The following NSUN6 variants were observed in gnomAD, a reference collection of about 807,000 sequenced individuals.
NSUN6 encodes tRNA (cytosine(72)-C(5))-methyltransferase NSUN6.
A neutral mutation model predicts 58.0 loss-of-function variants in NSUN6; 64 were observed. The observed-to-expected ratio is 1.10, with a 90% CI of 0.90 to 1.36. NSUN6 has a LOEUF of 1.36. Ranked by LOEUF, NSUN6 falls within the 40% of genes most tolerant of loss-of-function variation. The probability of loss-of-function intolerance (pLI) is 0.00; values close to 1 mark genes in which losing one functional copy is unlikely to be tolerated. For synonymous variants in NSUN6, 231 were observed against 193.9 expected (o/e 1.19, Z -1.59); for missense variants, 701 against 550.1 (o/e 1.27, Z -2.74).
At position 18,551,868 on chromosome 10, in the gene NSUN6, C is replaced by T. The variant is rs780047078; in HGVS notation, c.1026G>A (p.Lys342=). Residue 342 remains lysine (K), a synonymous_variant, in exon 9 of 11, where the codon AAG becomes AAA. Transcript: ENST00000377304. The part of the protein sequence containing the change: ...RPNMACTWSV[K]EVASYQPLQR... ...GTAATGGCTGATATGATGCCACTTC[C>T]TTCACAGACCAAGTACAGGCCATGT... 6 of 1,613,536 alleles carry T rather than the reference C, an allele frequency of 3.7e-6. No homozygotes were observed. The highest frequency in any genetic ancestry group is 3.3e-5 in the Admixed American group (2 of 59,994).
At chr10:18,628,241 A>G (rs891410312) in intron 3 of NSUN6, among the ~76,000 whole-genome samples, 5 of 152,182 alleles carry the variant, frequency 3.3e-5, no homozygotes, top group African/African-American at 7.2e-5. Context: ...CATCCACACC[A>G]AAAACCCATC....
intron 5 of NSUN6, among the ~76,000 whole-genome samples, chr10:18,613,220 C>T (rs1026101764): frequency 6.6e-6 from 1 of 152,130 alleles, no homozygotes; most frequent in Non-Finnish European, 1.5e-5. Context: ...CCTCAGCATC[C>T]TGAGTAGCTG....
At chr10:18,608,499 C>G (rs761739554) in intron 6 of NSUN6, among the ~76,000 whole-genome samples, 1 of 151,638 alleles carries the variant, frequency 6.6e-6, no homozygotes, top group Non-Finnish European at 1.5e-5. Context: ...TAGCAGGGTG[C>G]GGTGGCGCAT....
At chr10:18,632,007 C>A (rs772383112) in intron 3 of NSUN6, among the ~76,000 whole-genome samples, 1 of 151,758 alleles carries the variant, frequency 6.6e-6, no homozygotes, top group Non-Finnish European at 1.5e-5. Flanking sequence ...TCAAACTATA[C>A]TACAAGGCTA....
At position 18,613,524 on chromosome 10, in the gene NSUN6, A is replaced by G. The variant is rs986856320; in HGVS notation, c.575+936T>C. Among the ~76,000 whole-genome samples the G allele has an allele frequency of 1.4e-4, 21 of 152,218 alleles. 1 individual carries two copies. The highest frequency in any genetic ancestry group is 4.8e-4 in the African/African-American group (20 of 41,460). On this transcript the variant is annotated intron_variant, in intron 5 of 10. Coordinates refer to ENST00000377304, the MANE Select transcript of NSUN6 (RefSeq NM_182543.5). ...CAAATAACCTAAAAGAATGAAAAGT[A>G]TACCATTAACAATGAACTAATGGAG...
intron 8 of NSUN6, among the ~76,000 whole-genome samples, chr10:18,561,521 G>GTA (rs2055506418): frequency 8.3e-6 from 1 of 119,936 alleles, no homozygotes; most frequent in Non-Finnish European, 1.7e-5. Flanking sequence ...AGAATGGAAT[G>GTA]GAATACAGTG....
intron 7 of NSUN6, among the ~76,000 whole-genome samples, chr10:18,587,633 C>A (rs941136026): frequency 1.3e-5 from 2 of 152,038 alleles, no homozygotes; most frequent in African/African-American, 2.4e-5. Context: ...GTGCAACGCA[C>A]GGACAGCCAG....
upstream of NSUN6, among the ~76,000 whole-genome samples, chr10:18,658,971 G>T (rs191907614): frequency 1.2e-4 from 18 of 152,342 alleles, no homozygotes; most frequent in Admixed American, 8.5e-4. Context: ...AGGGGAACAG[G>T]AATAAGTCAG....
chr10:18,619,635 T>C (rs1259604576), intron 3 of NSUN6, among the ~76,000 whole-genome samples: 1 of 152,224 alleles, frequency 6.6e-6, no homozygotes, highest in Admixed American at 6.5e-5. Flanking sequence ...CTTTTTTACT[T>C]AGCACTCCTC....
intron 9 of NSUN6, among the ~76,000 whole-genome samples, chr10:18,549,040 T>C (rs1222962009): frequency 6.6e-6 from 1 of 152,166 alleles, no homozygotes; most frequent in Non-Finnish European, 1.5e-5. Flanking sequence ...ACCTGCTTTA[T>C]TCCCTGCCCT....
chr10:18,545,977 T>C lies in NSUN6; in HGVS notation c.1366A>G (p.Ile456Val), dbSNP rs747446624. The change falls in exon 11 of 11, where the codon ATA (isoleucine) becomes GTA (valine). Residue 456 changes from isoleucine (I) to valine (V), a missense_variant. Transcript: ENST00000377304. ...DMLRLANKDS[I>V]GFFIAKFVKC... ...ACAAATTTTGCAATAAAAAAACCTATAGAGTCCTTATTAGCCAGACGCAAC... is the reference window on the plus strand; with the variant it reads ...ACAAATTTTGCAATAAAAAAACCTACAGAGTCCTTATTAGCCAGACGCAAC... 3.8e-6 allele frequency: 6 copies of C among 1,584,144 alleles called. No individual in the cohort carries two copies. The highest frequency in any genetic ancestry group is 5.1e-6 in the Non-Finnish European group (6 of 1,172,078).
chr10:18,624,712 T>A (rs1482703900), intron 3 of NSUN6, among the ~76,000 whole-genome samples: 1 of 138,090 alleles, frequency 7.2e-6, no homozygotes, highest in Non-Finnish European at 1.6e-5. Context: ...GAAGAATATG[T>A]TAACAGAAAA....
Position 18,570,478 on chromosome 10 carries a change from T to G in NSUN6, c.922+15471A>C, listed in dbSNP as rs531871543. Reference sequence around the variant, plus strand: ...CCATTCCATTCTCCAATCCATTTCGTTCCACTTTCCATTCCATTCCATCCT... The same window carrying G: ...CCATTCCATTCTCCAATCCATTTCGGTCCACTTTCCATTCCATTCCATCCT... On this transcript the variant is annotated intron_variant, in intron 8 of 10. Transcript: ENST00000377304. Among the ~76,000 whole-genome samples the G allele has an allele frequency of 8.1e-4, 122 of 150,422 alleles. 2 individuals are homozygous for G. The South Asian group carries it at 0.015, about 19-fold the overall frequency.
intron 8 of NSUN6, among the ~76,000 whole-genome samples, chr10:18,559,775 C>A (rs984608180): frequency 1.4e-5 from 2 of 139,174 alleles, no homozygotes; most frequent in Non-Finnish European, 3.1e-5. Flanking sequence ...GAATGGAATG[C>A]AGAATGGAAT....
At chr10:18,594,220 C>A (rs4338439) in intron 7 of NSUN6, among the ~76,000 whole-genome samples, 119,578 of 149,372 alleles carry the variant, frequency 0.8, 48,003 homozygotes, top group East Asian at 0.98. Context: ...AAAAAGAAAG[C>A]AAGCCTGGTG....
At chr10:18,615,683 A>C (rs1280012329) in intron 4 of NSUN6, among the ~76,000 whole-genome samples, 2 of 152,228 alleles carry the variant, frequency 1.3e-5, no homozygotes, top group African/African-American at 4.8e-5. Flanking sequence ...CGTTTTCTAC[A>C]GATGAAAGCA....
At chr10:18,651,881 G>C, upstream of NSUN6, 1 of 985,410 alleles carries the variant, frequency 1.0e-6, no homozygotes, top group Non-Finnish European at 1.2e-6. Flanking sequence ...CAAATGGCGT[G>C]GGTTGAGTGG....
At chr10:18,631,305 T>A (rs1341034696) in intron 3 of NSUN6, among the ~76,000 whole-genome samples, 1 of 146,216 alleles carries the variant, frequency 6.8e-6, no homozygotes, top group Non-Finnish European at 1.5e-5. Flanking sequence ...TCATACTGAA[T>A]GGGCAAAAAC....
chr10:18,655,017 T>A (rs1230746434), upstream of NSUN6: 2 of 943,602 alleles, frequency 2.1e-6, no homozygotes, highest in South Asian at 4.9e-5. Context: ...TAATACTATA[T>A]ACCTTACCGA....
Sources: allele counts gnomAD v4.1 joint callset (sites outside exome capture counted in the v4.1 genomes callset), GRCh38; gene constraint gnomAD v4.1.1; transcripts MANE v1.5; gene names NCBI Gene and HGNC (gene_info 2026-07-23, HGNC 2026-07-21).